Variants in EPHB1 observed in about 807,000 individuals in gnomAD.
EPHB1 encodes the protein EPH receptor B1.
In EPHB1, 30 loss-of-function variants were observed where a neutral mutation model predicts 94.4. The observed-to-expected ratio is 0.32, with a 90% CI of 0.24 to 0.43. The LOEUF (loss-of-function observed/expected upper bound fraction) is 0.43, where lower values mean the gene tolerates loss of function less well. Among genes scored for constraint, EPHB1 ranks in the 20% least tolerant of loss-of-function variants. The pLI, the probability that EPHB1 is intolerant of heterozygous loss-of-function variation, is 1.00. For missense variants in EPHB1, 1,055 were observed against 1,308.3 expected, an observed-to-expected ratio of 0.81 and a Z score of 2.99; for synonymous variants, 522 against 489.1, an observed-to-expected ratio of 1.07 and a Z score of -0.89.
At chr3:134,879,628 G>T (rs938398457) in intron 1 of EPHB1, among the ~76,000 whole-genome samples, 3 of 152,062 alleles carry the variant, frequency 2.0e-5, no homozygotes, top group African/African-American at 7.2e-5. Flanking sequence ...CTCCAGCCTG[G>T]GAGACAGAGC....
In EPHB1 at chr3:135,132,715, C is replaced by A. The variant is rs746454977; in HGVS notation, c.963C>A (p.Ser321Arg). The A allele has an allele frequency of 6.3e-7, 1 of 1,576,258 alleles. No individual in the cohort carries two copies. The highest frequency in any genetic ancestry group is 8.6e-7 in the Non-Finnish European group (1 of 1,156,336). ...DFDPPEVACT[S>R]VPSGPRNVIS... ...TGGACCTTCTTTGTCTCCCTGCAGG[C>A]GTCCCATCAGGTCCCCGCAATGTTA... Residue 321 changes from serine (S) to arginine (R), a missense_variant and splice_region_variant, in exon 5 of 16, where the codon AGC becomes AGA. Physicochemically the swap from Ser to Arg is moderately radical, Grantham distance 110. Transcript: ENST00000398015.
At chr3:134,921,321 C>T (rs1348409486) in intron 1 of EPHB1, among the ~76,000 whole-genome samples, 1 of 152,186 alleles carries the variant, frequency 6.6e-6, no homozygotes, top group East Asian at 1.9e-4. Flanking sequence ...ACTGCCCACC[C>T]CTTTCCAGGA....
chr3:135,164,225 A>C (rs763837694), intron 7 of EPHB1, among the ~76,000 whole-genome samples: 1 of 152,216 alleles, frequency 6.6e-6, no homozygotes, highest in Non-Finnish European at 1.5e-5. Context: ...GGCAACTGAA[A>C]ATTTTCCTTC....
intron 12 of EPHB1, among the ~76,000 whole-genome samples, chr3:135,224,192 C>A (rs963920772): frequency 5.9e-5 from 9 of 152,206 alleles, no homozygotes; most frequent in African/African-American, 1.7e-4. Context: ...GATATTTGCA[C>A]AACAACGAAA....
At chr3:134,955,105 A>ATTTTTTTTTTTTTTTTTTTTTT (rs1174011769) in intron 3 of EPHB1, among the ~76,000 whole-genome samples, 19 of 24,132 alleles carry the variant, frequency 7.9e-4, no homozygotes, top group Non-Finnish European at 9.8e-4. Flanking sequence ...TTTTTTTTTA[A>ATTTTTTTTTTTTTTTTTTTTTT]TTTTTTTTTT....
intron 3 of EPHB1, among the ~76,000 whole-genome samples, chr3:135,020,339 A>T (rs1325259245): frequency 1.3e-5 from 2 of 152,202 alleles, no homozygotes; most frequent in East Asian, 1.9e-4. Flanking sequence ...GTATTCATAG[A>T]GTTGTGCAAC....
intron 1 of EPHB1, among the ~76,000 whole-genome samples, chr3:134,872,530 TCACATTA>T (rs1462919035): frequency 1.3e-5 from 2 of 152,238 alleles, no homozygotes; most frequent in Non-Finnish European, 2.9e-5. Flanking sequence ...AGCCAACCTG[TCACATTA>T]CACATCACAG....
At chr3:135,156,170 A>G (rs1263115932) in intron 6 of EPHB1, among the ~76,000 whole-genome samples, 2 of 152,018 alleles carry the variant, frequency 1.3e-5, no homozygotes, top group East Asian at 3.9e-4. Context: ...ACAGAAGTTC[A>G]GTTCAGTGTC....
chr3:135,072,662 G>A (rs948325183), intron 3 of EPHB1, among the ~76,000 whole-genome samples: 1 of 152,156 alleles, frequency 6.6e-6, no homozygotes, highest in Admixed American at 6.5e-5. Context: ...TGCCTCAAAA[G>A]CTATTTCCTG....
chr3:135,229,946 A>C (rs929373296), intron 12 of EPHB1, among the ~76,000 whole-genome samples: 1 of 152,150 alleles, frequency 6.6e-6, no homozygotes, highest in Admixed American at 6.5e-5. Context: ...ATCATGGCCT[A>C]CTGATGGATG....
chr3:135,110,316 A>G (rs1057391785), intron 4 of EPHB1, among the ~76,000 whole-genome samples: 2 of 152,114 alleles, frequency 1.3e-5, no homozygotes, highest in African/African-American at 4.8e-5. Flanking sequence ...ATAGAAATGG[A>G]ATGAAAAAGG....
intron 1 of EPHB1, among the ~76,000 whole-genome samples, chr3:134,883,188 T>C (rs190693284): frequency 1.5e-3 from 235 of 152,330 alleles, no homozygotes; most frequent in Middle Eastern, 3.4e-3. Context: ...AATTCCAACA[T>C]GTTGGCACTC....
chr3:134,877,214 G>T (rs1410906820), intron 1 of EPHB1, among the ~76,000 whole-genome samples: 3 of 152,138 alleles, frequency 2.0e-5, no homozygotes, highest in African/African-American at 7.2e-5. Flanking sequence ...CACCATTCAG[G>T]GTCACTCCTT....
At position 135,229,445 on chromosome 3, in the gene EPHB1, C is replaced by T. The variant is rs77381234; in HGVS notation, c.2347-11703C>T. On this transcript the variant is annotated intron_variant, in intron 12 of 15. Transcript: ENST00000398015. ...TTATTTTTAAATAGCTGTTGGAGGG[C>T]GGGGGCAGGAAGAGAGACTAGAAGC... Among the ~76,000 whole-genome samples the T allele has an allele frequency of 5.3e-5, 8 of 152,004 alleles. No homozygotes were observed. The South Asian group carries it at 6.2e-4, about 12-fold the overall frequency.
intron 4 of EPHB1, among the ~76,000 whole-genome samples, chr3:135,109,854 A>T (rs1377475526): frequency 6.6e-6 from 1 of 152,208 alleles, no homozygotes; most frequent in African/African-American, 2.4e-5. Context: ...TTCAATTCCC[A>T]GGCAGCAGCG....
intron 3 of EPHB1, among the ~76,000 whole-genome samples, chr3:134,977,530 C>T (rs1934235175): frequency 6.6e-6 from 1 of 152,192 alleles, no homozygotes; most frequent in African/African-American, 2.4e-5. Flanking sequence ...TTTTTCTCCA[C>T]ATCCCCTGCC....
intron 3 of EPHB1, among the ~76,000 whole-genome samples, chr3:135,015,890 A>G (rs1260075556): frequency 4.6e-5 from 7 of 152,166 alleles, no homozygotes; most frequent in Non-Finnish European, 8.8e-5. Flanking sequence ...CAGGAAGAGG[A>G]CCCAGACAGG....
At chr3:135,080,999 G>T (rs1938144371) in intron 3 of EPHB1, among the ~76,000 whole-genome samples, 1 of 152,160 alleles carries the variant, frequency 6.6e-6, no homozygotes, top group South Asian at 2.1e-4. Flanking sequence ...ACCACTGCCT[G>T]TTGCTTTTAC....
intron 1 of EPHB1, among the ~76,000 whole-genome samples, chr3:134,875,117 C>T (rs2037590270): frequency 1.3e-5 from 2 of 152,138 alleles, no homozygotes; most frequent in Non-Finnish European, 2.9e-5. Flanking sequence ...ATGGTGCTTG[C>T]TGGCACCCTG....
Sources: gnomAD v4.1 joint callset for allele counts (sites outside exome capture counted in the v4.1 genomes callset) on GRCh38, gnomAD v4.1.1 for gene constraint, MANE v1.5 for transcripts, NCBI Gene and HGNC (gene_info 2026-07-23, HGNC 2026-07-21) for gene names.